The following ADGRL2 variants were observed in gnomAD, a reference collection of about 807,000 sequenced individuals.
The protein encoded by ADGRL2 is calcium-independent alpha-latrotoxin receptor 2.
In ADGRL2, 44 loss-of-function variants were observed where a neutral mutation model predicts 157.4. The observed-to-expected ratio is 0.28, with a 90% CI of 0.22 to 0.36. The LOEUF (loss-of-function observed/expected upper bound fraction) is 0.36. Ranked by LOEUF, ADGRL2 falls within the 10% of genes least tolerant of loss-of-function variation. ADGRL2 has a pLI of 1.00. For missense variants in ADGRL2, 1,510 were observed against 1,768.9 expected, an observed-to-expected ratio of 0.85 and a Z score of 2.63; for synonymous variants, 585 against 624.7, an observed-to-expected ratio of 0.94 and a Z score of 0.95.
intron 1 of ADGRL2, chr1:81,721,694 T>TG (rs2084327623): frequency 7.6e-7 from 1 of 1,324,238 alleles, no homozygotes; most frequent in East Asian, 2.3e-5. Context: ...TTCCTGACCA[T>TG]GGACCCCCCG....
At chr1:81,358,969 G>A (rs182793740) in intron 1 of ADGRL2, among the ~76,000 whole-genome samples, 1 of 152,108 alleles carries the variant, frequency 6.6e-6, no homozygotes, top group East Asian at 1.9e-4. Context: ...AGAGGAAGAG[G>A]ACAGAGGAGC....
At chr1:81,387,227 T>C (rs531625167) in intron 1 of ADGRL2, among the ~76,000 whole-genome samples, 1 of 152,276 alleles carries the variant, frequency 6.6e-6, no homozygotes, top group African/African-American at 2.4e-5. Flanking sequence ...ATATTAATTG[T>C]CATCATTATT....
intron 2 of ADGRL2, among the ~76,000 whole-genome samples, chr1:81,573,650 A>G (rs141390319): frequency 1.3e-5 from 2 of 152,238 alleles, no homozygotes; most frequent in Non-Finnish European, 2.9e-5. Flanking sequence ...TTTCCTCTCT[A>G]CTGGCTCTAC....
At chr1:81,611,261 C>T (rs913852671) in intron 3 of ADGRL2, among the ~76,000 whole-genome samples, 24 of 152,218 alleles carry the variant, frequency 1.6e-4, no homozygotes, top group African/African-American at 5.3e-4. Context: ...ATATCACAGC[C>T]TTCAGACACG....
rs1308084109 is a variant in ADGRL2 at position 81,969,162 on chromosome 1, A to G, written c.2524-16A>G. The G allele has an allele frequency of 7.6e-6, 12 of 1,581,856 alleles. No individual in the cohort carries two copies. In the South Asian group the frequency reaches 1.1e-4, roughly 15 times the overall value. On this transcript the variant is annotated splice_polypyrimidine_tract_variant and intron_variant, in intron 14 of 23. Transcript: ENST00000686636. Reference sequence around the variant, plus strand: ...ATGCAGGAATACTAATGTTCCTCATATCTTTTTATTTTCAGTATAAAGATG... The same window carrying G: ...ATGCAGGAATACTAATGTTCCTCATGTCTTTTTATTTTCAGTATAAAGATG...
chr1:81,581,912 C>CA (rs2080922757), intron 3 of ADGRL2, among the ~76,000 whole-genome samples: 1 of 137,800 alleles, frequency 7.3e-6, no homozygotes, highest in Non-Finnish European at 1.6e-5. Flanking sequence ...ACACACACAC[C>CA]CCTGCCTCAG....
intron 3 of ADGRL2, among the ~76,000 whole-genome samples, chr1:81,667,870 C>T (rs899581708): frequency 2.6e-5 from 4 of 151,808 alleles, no homozygotes; most frequent in South Asian, 2.1e-4. Context: ...ACATCTACTG[C>T]GTATTTATAA....
intron 2 of ADGRL2, among the ~76,000 whole-genome samples, chr1:81,450,630 A>T (rs1334574652): frequency 1.3e-5 from 2 of 152,002 alleles, no homozygotes; most frequent in Non-Finnish European, 2.9e-5. Context: ...TACCAGGAAG[A>T]TGACTGAGTT....
intron 3 of ADGRL2, among the ~76,000 whole-genome samples, chr1:81,910,658 G>C (rs1184274890): frequency 6.7e-6 from 1 of 148,416 alleles, no homozygotes; most frequent in Admixed American, 6.7e-5. Context: ...GTGGTACTCC[G>C]GGCATCTTTA....
chr1:81,581,677 A>G (rs997495923), intron 3 of ADGRL2, among the ~76,000 whole-genome samples: 56 of 152,136 alleles, frequency 3.7e-4, no homozygotes, highest in African/African-American at 1.4e-3. Flanking sequence ...AATCTCTAAT[A>G]TTACATGATA....
At chr1:81,688,620 T>C (rs1455760462) in intron 3 of ADGRL2, among the ~76,000 whole-genome samples, 1 of 152,224 alleles carries the variant, frequency 6.6e-6, no homozygotes, top group African/African-American at 2.4e-5. Flanking sequence ...TGCCTTTCTC[T>C]GGTCCCTCCC....
chr1:81,564,862 C>T (rs1205574606), intron 2 of ADGRL2, among the ~76,000 whole-genome samples: 4 of 152,074 alleles, frequency 2.6e-5, no homozygotes, highest in Non-Finnish European at 5.9e-5. Context: ...CAGAAAATTT[C>T]CTGAATGAAT....
chr1:81,582,083 G>T (rs959957131), intron 3 of ADGRL2, among the ~76,000 whole-genome samples: 7 of 151,992 alleles, frequency 4.6e-5, no homozygotes, highest in African/African-American at 1.7e-4. Context: ...AGCCAGGCGT[G>T]GTGGCGCATA....
intron 2 of ADGRL2, among the ~76,000 whole-genome samples, chr1:81,875,204 A>G (rs1018586332): frequency 1.3e-5 from 2 of 152,156 alleles, no homozygotes; most frequent in African/African-American, 4.8e-5. Context: ...GCTGTTTGCT[A>G]CTGTCAGAAC....
chr1:81,802,408 C>T (rs1315157859), intron 1 of ADGRL2, among the ~76,000 whole-genome samples: 1 of 152,002 alleles, frequency 6.6e-6, no homozygotes, highest in Non-Finnish European at 1.5e-5. Flanking sequence ...CTGCTCGCTC[C>T]CTCCCCCCAA....
chr1:81,398,158 G>T (rs2076690155), intron 1 of ADGRL2, among the ~76,000 whole-genome samples: 1 of 151,908 alleles, frequency 6.6e-6, no homozygotes, highest in South Asian at 2.1e-4. Context: ...CATTTGCATG[G>T]AATATCTTTT....
At chr1:81,908,072 T>C (rs1384735504) in intron 3 of ADGRL2, among the ~76,000 whole-genome samples, 3 of 152,226 alleles carry the variant, frequency 2.0e-5, no homozygotes, top group African/African-American at 7.2e-5. Flanking sequence ...ACACTTAACA[T>C]TGTATTATAA....
chr1:81,774,901 A>G (rs2086516301), intron 2 of ADGRL2, among the ~76,000 whole-genome samples: 1 of 152,176 alleles, frequency 6.6e-6, no homozygotes, highest in African/African-American at 2.4e-5. Flanking sequence ...AATAGTAACA[A>G]AAGATGACAC....
At chr1:81,356,412 T>A (rs982474139) in intron 1 of ADGRL2, among the ~76,000 whole-genome samples, 3 of 152,212 alleles carry the variant, frequency 2.0e-5, no homozygotes, top group Non-Finnish European at 4.4e-5. Context: ...GATTACTATA[T>A]GACCTTGGCC....
Sources: allele counts gnomAD v4.1 joint callset (sites outside exome capture counted in the v4.1 genomes callset), GRCh38; gene constraint gnomAD v4.1.1; transcripts MANE v1.5; gene names NCBI Gene and HGNC (gene_info 2026-07-23, HGNC 2026-07-21).